ADAMTSL1: variants seen among roughly 807,000 people sequenced by gnomAD.
ADAMTSL1 encodes the protein ADAMTS like 1.
A neutral mutation model predicts 201.8 loss-of-function variants in ADAMTSL1; 126 were observed. That is an observed-to-expected ratio of 0.62 (90% confidence interval 0.54 to 0.72). ADAMTSL1 has a LOEUF of 0.72. Ranked by LOEUF, ADAMTSL1 falls within the 30% of genes least tolerant of loss-of-function variation. The pLI is 0.00. For synonymous variants in ADAMTSL1, 1,121 were observed against 903.4 expected, an observed-to-expected ratio of 1.24 and a Z score of -4.32; for missense variants, 2,679 against 2,277.8, an observed-to-expected ratio of 1.18 and a Z score of -3.59.
chr9:18,326,960 C>T (rs1834850897), intron 2 of ADAMTSL1, among the ~76,000 whole-genome samples: 1 of 152,080 alleles, frequency 6.6e-6, no homozygotes, highest in African/African-American at 2.4e-5. Context: ...TTTTCAAAAG[C>T]CCTATTTTGG....
chr9:18,033,742 A>G (rs937209466), intron 1 of ADAMTSL1, among the ~76,000 whole-genome samples: 1 of 152,168 alleles, frequency 6.6e-6, no homozygotes, highest in Non-Finnish European at 1.5e-5. Flanking sequence ...TTCCATCTTT[A>G]TACTCATACT....
intron 2 of ADAMTSL1, among the ~76,000 whole-genome samples, chr9:18,280,329 G>C: frequency 6.6e-6 from 1 of 151,852 alleles, no homozygotes. Flanking sequence ...TAGGGCCTAA[G>C]GGGGTGGCTT....
chr9:18,860,199 C>T (rs1299661530), intron 23 of ADAMTSL1, among the ~76,000 whole-genome samples: 6 of 152,170 alleles, frequency 3.9e-5, no homozygotes. Context: ...ATTCATCTTC[C>T]TTGTCTTGTG....
chr9:18,336,937 T>C (rs1411479047), intron 2 of ADAMTSL1, among the ~76,000 whole-genome samples: 1 of 152,146 alleles, frequency 6.6e-6, no homozygotes, highest in Non-Finnish European at 1.5e-5. Flanking sequence ...CAGACATTGT[T>C]CCAAGCCTTT....
chr9:18,858,711 A>G (rs546107427), intron 23 of ADAMTSL1, among the ~76,000 whole-genome samples: 2 of 152,272 alleles, frequency 1.3e-5, no homozygotes, highest in East Asian at 1.9e-4. Context: ...GCTTACGTCA[A>G]ATCTTACCTA....
intron 2 of ADAMTSL1, among the ~76,000 whole-genome samples, chr9:18,172,215 G>T (rs999822378): frequency 5.9e-5 from 9 of 151,862 alleles, no homozygotes; most frequent in African/African-American, 7.3e-5. Flanking sequence ...ACCATGGCAC[G>T]TGTATACCTA....
intron 7 of ADAMTSL1, among the ~76,000 whole-genome samples, chr9:18,653,859 T>C (rs948517452): frequency 3.3e-5 from 5 of 152,210 alleles, no homozygotes; most frequent in Non-Finnish European, 5.9e-5. Flanking sequence ...TTCATTCCCA[T>C]AGTAAGTAGC....
chr9:18,434,947 G>T (rs527371645), intron 2 of ADAMTSL1, among the ~76,000 whole-genome samples: 5 of 152,190 alleles, frequency 3.3e-5, no homozygotes, highest in African/African-American at 1.2e-4. Flanking sequence ...CATGAAGACA[G>T]GGACCACATC....
At chr9:18,325,854 C>A (rs571579545) in intron 2 of ADAMTSL1, among the ~76,000 whole-genome samples, 2 of 152,258 alleles carry the variant, frequency 1.3e-5, no homozygotes, top group African/African-American at 4.8e-5. Flanking sequence ...GATTCTCCTG[C>A]CTCCGCCTCC....
At chr9:18,867,137 G>C (rs1827583076) in intron 23 of ADAMTSL1, among the ~76,000 whole-genome samples, 1 of 152,214 alleles carries the variant, frequency 6.6e-6, no homozygotes, top group Non-Finnish European at 1.5e-5. Flanking sequence ...GAGGAGGACA[G>C]ATATGAAGGG....
At chr9:18,886,464 C>A (rs1271791256) in intron 23 of ADAMTSL1, among the ~76,000 whole-genome samples, 2 of 152,116 alleles carry the variant, frequency 1.3e-5, no homozygotes, top group Admixed American at 1.3e-4. Flanking sequence ...GGGTAGCCGC[C>A]TGTCTTAGTC....
chr9:17,980,076 C>G (rs893502947), intron 1 of ADAMTSL1, among the ~76,000 whole-genome samples: 8 of 152,140 alleles, frequency 5.3e-5, no homozygotes, highest in African/African-American at 9.7e-5. Flanking sequence ...GAGGCCATTT[C>G]TCTTTGTACT....
intron 1 of ADAMTSL1, among the ~76,000 whole-genome samples, chr9:18,007,591 A>T (rs1317289628): frequency 6.6e-6 from 1 of 152,000 alleles, no homozygotes; most frequent in Non-Finnish European, 1.5e-5. Context: ...GGTGGATTAG[A>T]TAAGCCCCAG....
chr9:18,591,094 C>A (rs1408106786), intron 4 of ADAMTSL1, among the ~76,000 whole-genome samples: 4 of 152,098 alleles, frequency 2.6e-5, no homozygotes, highest in African/African-American at 9.7e-5. Context: ...AAATTTCTGT[C>A]TGGATGATCT....
intron 1 of ADAMTSL1, among the ~76,000 whole-genome samples, chr9:18,083,373 T>C (rs1347220796): frequency 6.6e-6 from 1 of 152,214 alleles, no homozygotes; most frequent in East Asian, 1.9e-4. Context: ...TTGGCTTAAG[T>C]CATTGAAGAA....
intron 23 of ADAMTSL1, among the ~76,000 whole-genome samples, chr9:18,846,555 C>T (rs560651335): frequency 1.4e-4 from 21 of 152,242 alleles, no homozygotes; most frequent in African/African-American, 5.1e-4. Context: ...TTACACTTTG[C>T]CCTAAGTGCA....
In ADAMTSL1 at chr9:18,770,708, CA is replaced by C; in HGVS notation, c.2328del (p.Lys776AsnfsTer44). ...LELPETFCSA[S>X]KPACQQACKK... is the part of the protein sequence containing the mutation. ...CTTCCTGAGACCTTCTGTTCAGCTT[CA>C]AAACCTGCCTGCCAGCAAGCATGCA... is the stretch of plus-strand genomic sequence containing the variant. On this transcript the variant is annotated frameshift_variant, in exon 17 of 29. Transcript: ENST00000380548. LOFTEE classifies it high-confidence loss of function. 2 of 1,613,846 alleles carry C rather than the reference CA, an allele frequency of 1.2e-6. No homozygotes were observed.
At chr9:18,262,051 A>G (rs1369421362) in intron 2 of ADAMTSL1, among the ~76,000 whole-genome samples, 1 of 152,246 alleles carries the variant, frequency 6.6e-6, no homozygotes, top group African/African-American at 2.4e-5. Context: ...CTTGTATAAA[A>G]TGAGAATTTG....
intron 1 of ADAMTSL1, among the ~76,000 whole-genome samples, chr9:17,927,227 T>A (rs1407985890): frequency 6.6e-6 from 1 of 152,204 alleles, no homozygotes; most frequent in African/African-American, 2.4e-5. Flanking sequence ...TATCGTAGCA[T>A]ATATCAGAAT....
Sources: gnomAD v4.1 joint callset for allele counts (sites outside exome capture counted in the v4.1 genomes callset) on GRCh38, gnomAD v4.1.1 for gene constraint, MANE v1.5 for transcripts, NCBI Gene and HGNC (gene_info 2026-07-23, HGNC 2026-07-21) for gene names.